KLF13: variants seen among roughly 807,000 people sequenced by gnomAD.
KLF13 encodes the protein Krueppel-like factor 13.
Under a neutral mutation model 16.7 loss-of-function variants are expected in KLF13, and 8 were observed. That is an observed-to-expected ratio of 0.48 (90% confidence interval 0.28 to 0.87). The LOEUF is 0.87. Among genes scored for constraint, KLF13 ranks in the 40% least tolerant of loss-of-function variants. The pLI is 0.10. For missense variants in KLF13, 447 were observed against 452.2 expected (o/e 0.99, Z 0.10); for synonymous variants, 245 against 208.4 (o/e 1.18, Z -1.51).
intron 1 of KLF13, among the ~76,000 whole-genome samples, chr15:31,431,777 A>G (rs2040475203): frequency 6.6e-6 from 1 of 152,202 alleles, no homozygotes; most frequent in African/African-American, 2.4e-5. Context: ...CCAAATCTTA[A>G]AAGCATAATC....
intron 2 of KLF13, among the ~76,000 whole-genome samples, chr15:31,397,226 CGGGGT>C (rs1040036015): frequency 2.7e-3 from 13 of 4,872 alleles, no homozygotes; most frequent in East Asian, 0.042. Context: ...CAGGGTGGGG[CGGGGT>C]GGGGTGGGGT....
Position 31,327,262 on chromosome 15 carries a change from C to T in KLF13, c.50C>T (p.Ser17Phe). The change falls in exon 1 of 2, where the codon TCC (serine) becomes TTC (phenylalanine). Residue 17 changes from serine (S) to phenylalanine (F), a missense_variant. This residue lies in a region of KLF13 where 359 missense variants were observed against 282.8 expected (regional missense o/e 1.27). Coordinates refer to ENST00000307145, the MANE Select transcript of KLF13 (RefSeq NM_015995.4). ...VDHFAAECLVSMSSRAVVHGP... is the reference protein window; with the variant it reads ...VDHFAAECLVFMSSRAVVHGP... Reference sequence around the variant, plus strand: ...CACTTCGCCGCCGAGTGCCTCGTGTCCATGTCGAGCCGCGCGGTCGTGCAC... The same window carrying T: ...CACTTCGCCGCCGAGTGCCTCGTGTTCATGTCGAGCCGCGCGGTCGTGCAC... The T allele has an allele frequency of 7.3e-7, 1 of 1,373,892 alleles. No individual in the cohort carries two copies. Among genetic ancestry groups the T allele is most frequent in the Non-Finnish European group, 9.4e-7 (1 of 1,062,074 alleles). 85.1% of individuals were successfully genotyped at this position (1,373,892 alleles called of 1,614,324 possible). A position where few individuals can be genotyped will look rare whatever the true frequency, so the allele number is the denominator to read the frequency against.
intron 1 of KLF13, among the ~76,000 whole-genome samples, chr15:31,342,084 G>C (rs777184930): frequency 2.0e-5 from 3 of 152,170 alleles, no homozygotes; most frequent in Non-Finnish European, 4.4e-5. Context: ...AGCAGAAGTA[G>C]ATGAACTGAA....
chr15:31,417,540 CTT>C (rs944816576), intron 1 of KLF13, among the ~76,000 whole-genome samples: 1 of 151,242 alleles, frequency 6.6e-6, no homozygotes, highest in African/African-American at 2.4e-5. Flanking sequence ...GGTATTCTGT[CTT>C]TTTTTTCCTT....
intron 2 of KLF13, among the ~76,000 whole-genome samples, chr15:31,399,337 G>C (rs958100590): frequency 2.6e-5 from 4 of 152,178 alleles, no homozygotes; most frequent in African/African-American, 4.8e-5. Context: ...GCTAATTTTT[G>C]TATTTTTAGT....
At chr15:31,428,820 A>AAAAAAAAAAAAAAAAAAAAAAAACAG (rs61521558) in intron 1 of KLF13, among the ~76,000 whole-genome samples, 1 of 72,650 alleles carries the variant, frequency 1.4e-5, no homozygotes, top group African/African-American at 6.2e-5. Context: ...AAAAAAAAAA[A>AAAAAAAAAAAAAAAAAAAAAAAACAG]AAAAAGAAAA....
chr15:31,399,696 C>T (rs1361498917), intron 2 of KLF13, among the ~76,000 whole-genome samples: 4 of 152,228 alleles, frequency 2.6e-5, no homozygotes, highest in Non-Finnish European at 5.9e-5. Flanking sequence ...AGAGCTGGCT[C>T]AGCTTGGGTG....
rs917630432 is a variant in KLF13, at chr15:31,328,283, A to T, written c.577+494A>T. On this transcript the variant is annotated intron_variant, in intron 1 of 1. Transcript: ENST00000307145. ...GCCGGCCCCGGCGCGCGGCGGGCGA[A>T]GTTCACGCAGGGACAAGGTTTCCTT... 8.6e-5 allele frequency among the ~76,000 whole-genome samples: 13 copies of T among 151,468 alleles called. No homozygotes were observed. In the East Asian group the frequency reaches 2.6e-3, roughly 30 times the overall value.
chr15:31,345,649 C>T (rs189782190), intron 1 of KLF13, among the ~76,000 whole-genome samples: 231 of 152,344 alleles, frequency 1.5e-3, no homozygotes, highest in Non-Finnish European at 2.6e-3. Flanking sequence ...CCAGGGGACC[C>T]TGCCCTACTC....
chr15:31,413,209 A>C lies in KLF13; in HGVS notation n.117+19518A>C, dbSNP rs1018443933. Reference sequence around the variant, plus strand: ...AGACAAAAAAAAAAAAAAACAAAAAACAAAAAAACCAGCCTCAGAGATATG... The same window carrying C: ...AGACAAAAAAAAAAAAAAACAAAAACCAAAAAAACCAGCCTCAGAGATATG... On this transcript the variant is annotated intron_variant and non_coding_transcript_variant, in intron 1 of 1. Transcript: ENST00000558225. Among the ~76,000 whole-genome samples, 10 of 150,842 alleles carry C rather than the reference A, an allele frequency of 6.6e-5. 1 individual carries two copies. Among genetic ancestry groups the C allele is most frequent in the South Asian group, 2.1e-4 (1 of 4,766 alleles).
At chr15:31,359,458 G>A (rs925839295) in intron 1 of KLF13, among the ~76,000 whole-genome samples, 9 of 152,190 alleles carry the variant, frequency 5.9e-5, no homozygotes, top group South Asian at 2.1e-4. Flanking sequence ...AGGGATTGGG[G>A]TGCTGGGTTC....
intron 1 of KLF13, chr15:31,420,408 C>A: frequency 1.8e-6 from 2 of 1,127,926 alleles, no homozygotes; most frequent in Non-Finnish European, 2.6e-6. Flanking sequence ...TACAATGAGC[C>A]CACAGTGAAG....
chr15:31,405,273 C>T (rs1386018656), downstream of KLF13, among the ~76,000 whole-genome samples: 1 of 152,264 alleles, frequency 6.6e-6, no homozygotes, highest in South Asian at 2.1e-4. Context: ...GAGATCGCAC[C>T]ACTGCACTCC....
At chr15:31,419,271 GAAA>G (rs1010739909) in intron 1 of KLF13, among the ~76,000 whole-genome samples, 10 of 52,706 alleles carry the variant, frequency 1.9e-4, no homozygotes, top group Non-Finnish European at 3.1e-4. Flanking sequence ...AAGAAATAGG[GAAA>G]AATGGCCCAA....
intron 1 of KLF13, among the ~76,000 whole-genome samples, chr15:31,426,177 C>T (rs1251484825): frequency 6.6e-6 from 1 of 152,172 alleles, no homozygotes; most frequent in East Asian, 1.9e-4. Context: ...GTGGGAAGTT[C>T]CACACTCTCC....
downstream of KLF13, among the ~76,000 whole-genome samples, chr15:31,407,483 G>C (rs1662146365): frequency 6.6e-6 from 1 of 152,138 alleles, no homozygotes; most frequent in Admixed American, 6.5e-5. Context: ...AGGGAAAACT[G>C]TCTTGTCTCA....
intron 1 of KLF13, among the ~76,000 whole-genome samples, chr15:31,331,741 A>G (rs1264755715): frequency 6.6e-6 from 1 of 152,208 alleles, no homozygotes; most frequent in African/African-American, 2.4e-5. Context: ...ACAATGCAGA[A>G]ATGTATGCAG....
rs143107668 is a variant in KLF13, at chr15:31,336,613, A to G, written c.577+8824A>G. 3.1e-3 allele frequency among the ~76,000 whole-genome samples: 473 copies of G among 152,308 alleles called. 1 individual carries two copies. The highest frequency in any genetic ancestry group is 5.0e-3 in the Admixed American group (76 of 15,306). The stretch of plus-strand genomic sequence containing the variant: ...AATACAGGGAACTTGGTTTAGGGGT[A>G]TTGGTAGAAGTTAAAGTTGATGGCA... On this transcript the variant is annotated intron_variant, in intron 1 of 1. Transcript: ENST00000307145.
downstream of KLF13, among the ~76,000 whole-genome samples, chr15:31,378,719 G>C (rs1213658002): frequency 6.6e-6 from 1 of 151,740 alleles, no homozygotes; most frequent in East Asian, 1.9e-4. Context: ...TCTTTTTTTT[G>C]AGACACAGTC....
Sources: gnomAD v4.1 joint callset for allele counts (sites outside exome capture counted in the v4.1 genomes callset) on GRCh38, gnomAD v4.1.1 for gene constraint, gnomAD v4.1.1 regional missense constraint, MANE v1.5 for transcripts, NCBI Gene and HGNC (gene_info 2026-07-23, HGNC 2026-07-21) for gene names.